CCDC102B: variants seen among roughly 807,000 people sequenced by gnomAD.
CCDC102B encodes coiled-coil domain-containing protein 102B.
Under a neutral mutation model 57.4 loss-of-function variants are expected in CCDC102B, and 75 were observed. That is an observed-to-expected ratio of 1.31 (90% confidence interval 1.08 to 1.58). The LOEUF (loss-of-function observed/expected upper bound fraction) is 1.58. Among genes scored for constraint, CCDC102B ranks in the 40% most tolerant of loss-of-function variants. The pLI is 0.00. For missense variants in CCDC102B, 636 were observed against 582.6 expected, an observed-to-expected ratio of 1.09 and a Z score of -0.94; for synonymous variants, 206 against 201.9, an observed-to-expected ratio of 1.02 and a Z score of -0.17.
chr18:69,038,755 C>T (rs528689529), intron 7 of CCDC102B, among the ~76,000 whole-genome samples: 17 of 151,942 alleles, frequency 1.1e-4, no homozygotes, highest in Non-Finnish European at 1.9e-4. Context: ...TTAATATACA[C>T]AAGCATTCAC....
At chr18:68,724,471 T>C (rs1315060787) in intron 2 of CCDC102B, among the ~76,000 whole-genome samples, 1 of 152,152 alleles carries the variant, frequency 6.6e-6, no homozygotes, top group East Asian at 1.9e-4. Flanking sequence ...TCCTTAGAAA[T>C]TTCTTCCACC....
chr18:68,971,072 C>T (rs566481965), intron 6 of CCDC102B, among the ~76,000 whole-genome samples: 102 of 151,988 alleles, frequency 6.7e-4, no homozygotes, highest in African/African-American at 2.3e-3. Context: ...AACTTTACTG[C>T]GAGAACAGTG....
At chr18:68,783,210 T>C (rs2035067880) in intron 2 of CCDC102B, among the ~76,000 whole-genome samples, 1 of 152,166 alleles carries the variant, frequency 6.6e-6, no homozygotes, top group Non-Finnish European at 1.5e-5. Flanking sequence ...GGTAATCAGG[T>C]TCTAGATGTC....
intron 6 of CCDC102B, among the ~76,000 whole-genome samples, chr18:68,994,983 C>T (rs2050982607): frequency 6.6e-6 from 1 of 152,188 alleles, no homozygotes; most frequent in South Asian, 2.1e-4. Context: ...TCCCTAGAGA[C>T]TTGTTGAATG....
At chr18:68,861,692 A>G (rs2038765426) in intron 4 of CCDC102B, among the ~76,000 whole-genome samples, 1 of 152,076 alleles carries the variant, frequency 6.6e-6, no homozygotes, top group Admixed American at 6.6e-5. Context: ...TAATTCTTTT[A>G]GATGTTAGTT....
chr18:68,865,789 A>AT (rs926442692), intron 4 of CCDC102B, among the ~76,000 whole-genome samples: 1 of 152,194 alleles, frequency 6.6e-6, no homozygotes, highest in African/African-American at 2.4e-5. Flanking sequence ...GTGGTTTCTA[A>AT]TTTTCTCTTT....
chr18:68,790,400 T>C (rs914547556), intron 2 of CCDC102B, among the ~76,000 whole-genome samples: 5 of 152,118 alleles, frequency 3.3e-5, no homozygotes, highest in African/African-American at 4.8e-5. Flanking sequence ...TAAGCAAGCC[T>C]GGGCAATGGC....
At chr18:68,749,660 C>G (rs182066870) in intron 2 of CCDC102B, among the ~76,000 whole-genome samples, 44 of 152,238 alleles carry the variant, frequency 2.9e-4, no homozygotes, top group Admixed American at 1.0e-3. Context: ...TGCTTACCAC[C>G]TTAAGGGGGT....
intron 2 of CCDC102B, chr18:68,838,424 G>T: frequency 1.0e-6 from 1 of 985,294 alleles, no homozygotes; most frequent in East Asian, 1.1e-4. Context: ...TCAAGTTTGT[G>T]CAGAGTTATT....
intron 5 of CCDC102B, among the ~76,000 whole-genome samples, chr18:68,896,235 A>G (rs1465790028): frequency 1.3e-5 from 2 of 152,094 alleles, no homozygotes; most frequent in Non-Finnish European, 2.9e-5. Context: ...TCATAATAAT[A>G]AGCACTTAGA....
At chr18:68,947,236 T>A (rs2049565931) in intron 6 of CCDC102B, among the ~76,000 whole-genome samples, 1 of 151,966 alleles carries the variant, frequency 6.6e-6, no homozygotes, top group African/African-American at 2.4e-5. Flanking sequence ...AACAACTGTT[T>A]TGTTTAATTC....
chr18:68,853,921 C>A (rs2144845383), intron 4 of CCDC102B, among the ~76,000 whole-genome samples: 1 of 152,198 alleles, frequency 6.6e-6, no homozygotes, highest in South Asian at 2.1e-4. Context: ...TGTTAGAGAA[C>A]TAGACAAGAG....
At chr18:68,880,530 T>G (rs2039656230) in intron 5 of CCDC102B, among the ~76,000 whole-genome samples, 1 of 152,218 alleles carries the variant, frequency 6.6e-6, no homozygotes, top group African/African-American at 2.4e-5. Flanking sequence ...GCGAGGGCTG[T>G]GAGGACTGCC....
At chr18:68,923,580 T>A (rs2041364612) in intron 6 of CCDC102B, among the ~76,000 whole-genome samples, 1 of 152,030 alleles carries the variant, frequency 6.6e-6, no homozygotes, top group African/African-American at 2.4e-5. Context: ...ATTTTGTAGA[T>A]GAGACACCTG....
chr18:68,743,375 T>C (rs1318880465), intron 2 of CCDC102B, among the ~76,000 whole-genome samples: 3 of 152,064 alleles, frequency 2.0e-5, no homozygotes, highest in Non-Finnish European at 4.4e-5. Flanking sequence ...GCCACTGCAC[T>C]CCAGACTGGG....
At chr18:68,800,455 C>T (rs2035805685) in intron 1 of CCDC102B, among the ~76,000 whole-genome samples, 1 of 152,132 alleles carries the variant, frequency 6.6e-6, no homozygotes, top group Non-Finnish European at 1.5e-5. Flanking sequence ...GAGACTGACG[C>T]TGCAAATAAG....
At chr18:68,911,629 G>C (rs1246244299) in intron 6 of CCDC102B, among the ~76,000 whole-genome samples, 1 of 149,364 alleles carries the variant, frequency 6.7e-6, no homozygotes, top group Non-Finnish European at 1.5e-5. Flanking sequence ...GCGGGCGCCT[G>C]TAGTCCCAGC....
downstream of CCDC102B, among the ~76,000 whole-genome samples, chr18:69,057,568 A>G (rs766831570): frequency 6.6e-6 from 1 of 152,016 alleles, no homozygotes; most frequent in Non-Finnish European, 1.5e-5. Context: ...CTGGGGAGTC[A>G]GACAGCTACT....
chr18:68,826,659 G>A (rs565026449), intron 1 of CCDC102B, among the ~76,000 whole-genome samples: 1 of 152,084 alleles, frequency 6.6e-6, no homozygotes, highest in African/African-American at 2.4e-5. Context: ...TTTAAAAAAC[G>A]ATATACAAAC....
Sources: gnomAD v4.1 joint callset for allele counts (sites outside exome capture counted in the v4.1 genomes callset) on GRCh38, gnomAD v4.1.1 for gene constraint, MANE v1.5 for transcripts, NCBI Gene and HGNC (gene_info 2026-07-23, HGNC 2026-07-21) for gene names.